PCDH9: variants seen among roughly 807,000 people sequenced by gnomAD.
PCDH9 encodes the protein protocadherin 9, also known as protocadherin-9.
In PCDH9, 24 loss-of-function variants were observed where a neutral mutation model predicts 70.6. That is an observed-to-expected ratio of 0.34 (90% CI 0.25 to 0.48). PCDH9 has a LOEUF of 0.48. PCDH9 is among the 20% of genes least tolerant of loss of function. PCDH9 has a pLI of 0.99. For missense variants in PCDH9, 1,281 were observed against 1,503.6 expected, an observed-to-expected ratio of 0.85 and a Z score of 2.45; for synonymous variants, 562 against 558.5, an observed-to-expected ratio of 1.01 and a Z score of -0.09.
intron 2 of PCDH9, among the ~76,000 whole-genome samples, chr13:66,963,054 T>G (rs534872678): frequency 6.6e-6 from 1 of 152,112 alleles, no homozygotes; most frequent in Non-Finnish European, 1.5e-5. Flanking sequence ...GCACACAACC[T>G]AGAACCCTCG....
At chr13:66,732,147 A>G (rs1461735967) in intron 3 of PCDH9, among the ~76,000 whole-genome samples, 1 of 152,002 alleles carries the variant, frequency 6.6e-6, no homozygotes, top group South Asian at 2.1e-4. Context: ...TCTTTGATAT[A>G]CAATAGTTGT....
chr13:66,436,142 A>G (rs924351794), intron 4 of PCDH9, among the ~76,000 whole-genome samples: 10 of 152,060 alleles, frequency 6.6e-5, no homozygotes, highest in Admixed American at 2.6e-4. Context: ...GCTGTGGCTT[A>G]AATGTTTGCT....
In PCDH9 at chr13:66,490,946, GCTTGT is replaced by G. The variant is rs990286708; in HGVS notation, c.3340+140259_3340+140263del. ...TCAGGCTATGCTGTTGAGAATGACA[GCTTGT>G]CTTAAGTTAGTCTACCAATTCTTTT... On this transcript the variant is annotated intron_variant, in intron 4 of 4. Coordinates refer to ENST00000377865, the MANE Select transcript of PCDH9 (RefSeq NM_203487.3). Among the ~76,000 whole-genome samples the G allele has an allele frequency of 3.3e-5, 5 of 152,144 alleles. No homozygotes were observed. The South Asian group carries it at 8.3e-4, about 25-fold the overall frequency.
At chr13:66,972,145 C>A (rs1190629310) in intron 2 of PCDH9, among the ~76,000 whole-genome samples, 3 of 151,896 alleles carry the variant, frequency 2.0e-5, no homozygotes, top group Non-Finnish European at 4.4e-5. Context: ...ATTGCTAATA[C>A]ACACACATGT....
intron 3 of PCDH9, among the ~76,000 whole-genome samples, chr13:66,875,241 C>T (rs2139520829): frequency 6.6e-6 from 1 of 152,158 alleles, no homozygotes; most frequent in Middle Eastern, 3.4e-3. Flanking sequence ...ACACATGGCT[C>T]ATAAATGAGG....
intron 3 of PCDH9, among the ~76,000 whole-genome samples, chr13:66,636,810 G>T (rs2077644231): frequency 6.6e-6 from 1 of 151,770 alleles, no homozygotes; most frequent in Non-Finnish European, 1.5e-5. Flanking sequence ...AAGTACTTAT[G>T]ATGAACTAAA....
intron 2 of PCDH9, among the ~76,000 whole-genome samples, chr13:67,094,077 G>A (rs532236346): frequency 5.3e-5 from 8 of 152,156 alleles, no homozygotes; most frequent in African/African-American, 1.7e-4. Flanking sequence ...TGTGGCTAGC[G>A]TATTAAGTCA....
At chr13:66,682,427 G>A (rs548398765) in intron 3 of PCDH9, among the ~76,000 whole-genome samples, 2 of 151,616 alleles carry the variant, frequency 1.3e-5, no homozygotes, top group South Asian at 2.1e-4. Flanking sequence ...TTTTTATTTA[G>A]TGAGAAGGAA....
chr13:66,793,590 T>G (rs2080194698), intron 3 of PCDH9, among the ~76,000 whole-genome samples: 1 of 152,176 alleles, frequency 6.6e-6, no homozygotes, highest in Non-Finnish European at 1.5e-5. Context: ...GTCAGAACAT[T>G]TCATTGAAGT....
intron 4 of PCDH9, among the ~76,000 whole-genome samples, chr13:66,459,956 A>G (rs1247478509): frequency 6.6e-6 from 1 of 151,902 alleles, no homozygotes; most frequent in Non-Finnish European, 1.5e-5. Flanking sequence ...TTACAGCTCA[A>G]TGTATTTATT....
chr13:66,375,711 T>C (rs1289642417), intron 4 of PCDH9, among the ~76,000 whole-genome samples: 1 of 152,134 alleles, frequency 6.6e-6, no homozygotes. Context: ...TGAATTTAAC[T>C]ATTATTTAAG....
At chr13:66,523,623 G>T (rs537735983) in intron 4 of PCDH9, among the ~76,000 whole-genome samples, 12 of 151,966 alleles carry the variant, frequency 7.9e-5, no homozygotes, top group African/African-American at 2.2e-4. Flanking sequence ...GTGATTCAGT[G>T]GAAGAATGCA....
intron 4 of PCDH9, among the ~76,000 whole-genome samples, chr13:66,494,592 C>T (rs913602521): frequency 2.0e-5 from 3 of 152,198 alleles, no homozygotes; most frequent in African/African-American, 7.2e-5. Flanking sequence ...TCTCTCCATA[C>T]CCCCACCATT....
chr13:66,415,129 C>A (rs972235539), intron 4 of PCDH9, among the ~76,000 whole-genome samples: 1 of 152,062 alleles, frequency 6.6e-6, no homozygotes, highest in African/African-American at 2.4e-5. Context: ...AAGATGAATA[C>A]ATTTTAGATA....
intron 2 of PCDH9, among the ~76,000 whole-genome samples, chr13:67,016,468 T>C (rs17082032): frequency 0.046 from 6,963 of 152,242 alleles, 285 homozygotes; most frequent in African/African-American, 0.11. Flanking sequence ...TTTGATAAAT[T>C]GGATTCACAA....
At chr13:67,155,521 G>T (rs373239520) in intron 2 of PCDH9, among the ~76,000 whole-genome samples, 2 of 152,128 alleles carry the variant, frequency 1.3e-5, no homozygotes, top group Non-Finnish European at 2.9e-5. Context: ...AACTATTGTT[G>T]CATTTTTAAA....
chr13:66,797,495 A>G (rs2080262019), intron 3 of PCDH9, among the ~76,000 whole-genome samples: 2 of 152,192 alleles, frequency 1.3e-5, no homozygotes, highest in Non-Finnish European at 2.9e-5. Flanking sequence ...TCCTAACCCT[A>G]TAATAACAAA....
chr13:66,549,193 TATA>T, intron 4 of PCDH9, among the ~76,000 whole-genome samples: 1 of 152,154 alleles, frequency 6.6e-6, no homozygotes, highest in East Asian at 1.9e-4. Flanking sequence ...CAAGCCTATA[TATA>T]AATGAAATGT....
At chr13:67,064,195 GT>G (rs1476238186) in intron 2 of PCDH9, among the ~76,000 whole-genome samples, 4 of 152,096 alleles carry the variant, frequency 2.6e-5, no homozygotes, top group Admixed American at 2.6e-4. Flanking sequence ...CAGGAGATTG[GT>G]TTCCATAGAC....
Sources: gnomAD v4.1 joint callset for allele counts (sites outside exome capture counted in the v4.1 genomes callset) on GRCh38, gnomAD v4.1.1 for gene constraint, MANE v1.5 for transcripts, NCBI Gene and HGNC (gene_info 2026-07-23, HGNC 2026-07-21) for gene names.